DNAH14: variants seen among roughly 807,000 people sequenced by gnomAD.
DNAH14 encodes the protein axonemal beta dynein heavy chain 14.
In DNAH14, 478 loss-of-function variants were observed where a neutral mutation model predicts 520.9. The ratio of observed to expected loss-of-function variants is 0.92; its 90% CI spans 0.85 to 0.99. The LOEUF (loss-of-function observed/expected upper bound fraction) is 0.99. DNAH14 is among the 50% of genes least tolerant of loss of function. DNAH14 has a pLI of 0.00. For synonymous variants in DNAH14, 1,581 were observed against 1,757.2 expected (o/e 0.90, Z 2.51); for missense variants, 4,831 against 5,234.5 (o/e 0.92, Z 2.38).
At chr1:225,229,301 T>C (rs1416079476) in intron 41 of DNAH14, among the ~76,000 whole-genome samples, 3 of 152,306 alleles carry the variant, frequency 2.0e-5, no homozygotes, top group Non-Finnish European at 4.4e-5. Context: ...GAAATAGGAA[T>C]GCTTTTACAC....
intron 60 of DNAH14, among the ~76,000 whole-genome samples, chr1:225,311,221 ATGTT>A (rs2094358158): frequency 6.6e-6 from 1 of 151,798 alleles, no homozygotes; most frequent in South Asian, 2.1e-4. Flanking sequence ...TTTTTTTCAT[ATGTT>A]TGTTGGCCAC....
chr1:225,324,338 C>T lies in DNAH14; in HGVS notation c.9612C>T (p.Tyr3204=), dbSNP rs2094611931. 4 of 1,551,900 alleles carry T rather than the reference C, an allele frequency of 2.6e-6. No homozygotes were observed. The highest frequency in any genetic ancestry group is 1.2e-5 in the South Asian group (1 of 84,058). The change falls in exon 63 of 86, where the codon TAC becomes TAT. Residue 3204 remains tyrosine, a synonymous_variant. Transcript: ENST00000682510. ...AGTGGGTTATAGCTTTGAATAACTA[C>T]CATGAAGTACAGAAGGTATGCTTTT... ...LCQWVIALNN[Y]HEVQKVVGPK...
In DNAH14 at chr1:225,106,644, G is replaced by T. The variant is rs566302522; in HGVS notation, c.3867+5760G>T. On this transcript the variant is annotated intron_variant, in intron 23 of 85. Coordinates refer to ENST00000682510, the MANE Select transcript of DNAH14 (RefSeq NM_001367479.1). ...TTTCATTCATTTGATCTTCCATCAC[G>T]GATACTCTTTCTTCCAGTTGATTGA... Among the ~76,000 whole-genome samples the T allele has an allele frequency of 5.9e-5, 9 of 151,938 alleles. No homozygotes were observed. In the South Asian group the frequency reaches 1.9e-3, roughly 32 times the overall value.
At position 224,929,834 on chromosome 1, in the gene DNAH14, G is replaced by A. The variant is rs540779667; in HGVS notation, c.-35G>A. The stretch of plus-strand genomic sequence containing the variant: ...AACGGCCGTCGGACCACGGCGCGGC[G>A]GGTAAGGTCGTCAGCGTCTTCCTGT... On this transcript the variant is annotated splice_region_variant and 5_prime_UTR_variant, in exon 1 of 86. Transcript: ENST00000682510. 23 of 689,840 alleles carry A rather than the reference G, an allele frequency of 3.3e-5. No individual in the cohort carries two copies. The African/African-American group carries it at 3.7e-4, about 11-fold the overall frequency. 42.7% of individuals were successfully genotyped at this position (689,840 alleles called of 1,614,324 possible). A position where few individuals can be genotyped will look rare whatever the true frequency, so the allele number is the denominator to read the frequency against.
chr1:225,100,698 AT>A lies in DNAH14; in HGVS notation c.3696-7del, dbSNP rs903176711. On this transcript the variant is annotated splice_polypyrimidine_tract_variant and intron_variant, in intron 22 of 85. Coordinates refer to ENST00000682510, the MANE Select transcript of DNAH14 (RefSeq NM_001367479.1). ...CTTAAAAAAAATAAAATGACATCTA[AT>A]TTTTTTTCTAAAGGCAACTCCCAGC... is the stretch of plus-strand genomic sequence containing the variant. 20 of 1,465,584 alleles carry A rather than the reference AT, an allele frequency of 1.4e-5. No individual in the cohort carries two copies. The highest frequency in any genetic ancestry group is 4.4e-5 in the South Asian group (3 of 67,834). The allele number at this position is 1,465,584 out of a possible 1,614,324, so 90.8% of individuals were successfully genotyped here.
chr1:225,159,396 C>G lies in DNAH14; in HGVS notation c.5356C>G (p.Pro1786Ala). The G allele has an allele frequency of 6.4e-7, 1 of 1,550,954 alleles. No individual in the cohort carries two copies. The highest frequency in any genetic ancestry group is 1.7e-4 in the Middle Eastern group (1 of 5,996). ...AAGAGAAGCTAGTTTGCCAAAATGT[C>G]CTCCTGAAGATGTCCCACTTTTTGA... ...AIREASLPKC[P>A]PEDVPLFENI... Residue 1786 changes from proline to alanine, a missense_variant, in exon 35 of 86, where the codon CCT becomes GCT. Pro to Ala is a conservative substitution (Grantham distance 27). Coordinates refer to ENST00000682510, the MANE Select transcript of DNAH14 (RefSeq NM_001367479.1).
chr1:225,142,191 T>C (rs1358105101), intron 28 of DNAH14, among the ~76,000 whole-genome samples: 2 of 152,064 alleles, frequency 1.3e-5, no homozygotes, highest in African/African-American at 4.8e-5. Flanking sequence ...TTTTTAAAAA[T>C]GAGAATGAAA....
intron 8 of DNAH14, among the ~76,000 whole-genome samples, chr1:224,975,107 G>A (rs987324262): frequency 6.6e-6 from 1 of 151,800 alleles, no homozygotes; most frequent in Non-Finnish European, 1.5e-5. Context: ...GCTTTTTGAT[G>A]TGCTGCTGGA....
intron 52 of DNAH14, among the ~76,000 whole-genome samples, chr1:225,275,603 A>G (rs1219670232): frequency 1.3e-5 from 2 of 152,232 alleles, no homozygotes; most frequent in African/African-American, 4.8e-5. Flanking sequence ...TAGCAACAGG[A>G]GTTCTTAACC....
At chr1:225,295,308 TCTTG>T (rs1434057745) in intron 55 of DNAH14, among the ~76,000 whole-genome samples, 1 of 152,182 alleles carries the variant, frequency 6.6e-6, no homozygotes, top group African/African-American at 2.4e-5. Context: ...GTTCGTTTGT[TCTTG>T]CTTTTTGTAG....
intron 81 of DNAH14, among the ~76,000 whole-genome samples, chr1:225,384,995 C>T (rs1268905747): frequency 6.6e-6 from 1 of 152,162 alleles, no homozygotes; most frequent in South Asian, 2.1e-4. Context: ...TACTGGCAAA[C>T]CGAATCCAGT....
chr1:225,238,765 G>A (rs2091777295), intron 42 of DNAH14, among the ~76,000 whole-genome samples: 1 of 151,980 alleles, frequency 6.6e-6, no homozygotes, highest in Non-Finnish European at 1.5e-5. Flanking sequence ...CCACCTCCAG[G>A]AGCTCCATCC....
chr1:224,970,398 C>T (rs1296472896), intron 7 of DNAH14, among the ~76,000 whole-genome samples: 1 of 152,078 alleles, frequency 6.6e-6, no homozygotes, highest in African/African-American at 2.4e-5. Context: ...GTCCTGTGGT[C>T]CTGTGATGTT....
At chr1:225,051,264 A>T (rs911241932) in intron 16 of DNAH14, among the ~76,000 whole-genome samples, 187 bp from the exon 17 acceptor site, 2 of 152,222 alleles carry the variant, frequency 1.3e-5, no homozygotes, top group African/African-American at 4.8e-5. Context: ...AAAGCCAAAT[A>T]TTAGAAAGCC....
At chr1:224,975,878 C>A (rs1448689295) in intron 8 of DNAH14, among the ~76,000 whole-genome samples, 3 of 151,830 alleles carry the variant, frequency 2.0e-5, no homozygotes, top group Non-Finnish European at 4.4e-5. Flanking sequence ...CTATAAATTT[C>A]CCTCACACAC....
chr1:225,122,622 G>A (rs1352452608), intron 26 of DNAH14, among the ~76,000 whole-genome samples: 1 of 152,056 alleles, frequency 6.6e-6, no homozygotes, highest in Non-Finnish European at 1.5e-5. Context: ...ACTTTTCATG[G>A]AACTGCCAAC....
At chr1:225,297,710 G>A (rs915231674) in intron 55 of DNAH14, among the ~76,000 whole-genome samples, 5 of 152,242 alleles carry the variant, frequency 3.3e-5, no homozygotes, top group Non-Finnish European at 5.9e-5. Flanking sequence ...TTTGCTGGAG[G>A]TGGGCTCACC....
intron 41 of DNAH14, among the ~76,000 whole-genome samples, chr1:225,209,947 T>C (rs2088134987): frequency 6.6e-6 from 1 of 152,066 alleles, no homozygotes; most frequent in Admixed American, 6.5e-5. Context: ...GACAATGCCA[T>C]GAGGAACAGT....
intron 41 of DNAH14, among the ~76,000 whole-genome samples, chr1:225,214,322 G>A (rs900964905): frequency 1.3e-5 from 2 of 152,182 alleles, no homozygotes; most frequent in East Asian, 1.9e-4. Context: ...GTATTTTATT[G>A]AGGATTTTTG....
Sources: gnomAD v4.1 joint callset for allele counts (sites outside exome capture counted in the v4.1 genomes callset) on GRCh38, gnomAD v4.1.1 for gene constraint, MANE v1.5 for transcripts, NCBI Gene and HGNC (gene_info 2026-07-23, HGNC 2026-07-21) for gene names.